DLD: variants seen among roughly 807,000 people sequenced by gnomAD.
DLD encodes dihydrolipoyl dehydrogenase, mitochondrial.
A neutral mutation model predicts 62.2 loss-of-function variants in DLD; 36 were observed. That is an observed-to-expected ratio of 0.58 (90% CI 0.44 to 0.76). DLD has a LOEUF of 0.76. Among genes scored for constraint, DLD ranks in the 30% least tolerant of loss-of-function variants. DLD has a pLI of 0.00. For synonymous variants in DLD, 204 were observed against 199.6 expected, an observed-to-expected ratio of 1.02 and a Z score of -0.19; for missense variants, 541 against 608.6, an observed-to-expected ratio of 0.89 and a Z score of 1.17.
In DLD at chr7:107,916,813, G is replaced by T; in HGVS notation, c.895G>T (p.Gly299Cys). 1 of 1,613,054 alleles carries T rather than the reference G, an allele frequency of 6.2e-7. No homozygotes were observed. Among genetic ancestry groups the T allele is most frequent in the Non-Finnish European group, 8.5e-7 (1 of 1,179,858 alleles). The change falls in exon 10 of 14, where the codon GGT becomes TGT. Residue 299 changes from glycine to cysteine, a missense_variant. Gly to Cys is a radical substitution (Grantham distance 159). Coordinates refer to ENST00000205402, the MANE Select transcript of DLD (RefSeq NM_000108.5). ...IDVSIEAASG[G>C]KAEVITCDVL... ...ATCTAGTATTGAAGCTGCTTCTGGT[G>T]GTAAAGCTGAAGTTATCACTTGTGA... is the stretch of plus-strand genomic sequence containing the variant.
Position 107,915,697 on chromosome 7 carries a change from G to C in DLD, c.875+1G>C. On this transcript the variant is annotated splice_donor_variant, in intron 9 of 13. Coordinates refer to ENST00000205402, the MANE Select transcript of DLD (RefSeq NM_000108.5). LOFTEE classifies it high-confidence loss of function. ...AGTCAGATGGAAAAATTGATGTTTC[G>C]TAAGTATACATCATTTGTTTTTGAT... 2 of 1,611,874 alleles carry C rather than the reference G, an allele frequency of 1.2e-6. No homozygotes were observed. The highest frequency in any genetic ancestry group is 1.3e-5 in the African/African-American group (1 of 74,966).
chr7:107,903,003 A>G (rs895740678), intron 4 of DLD, among the ~76,000 whole-genome samples: 1 of 152,188 alleles, frequency 6.6e-6, no homozygotes, highest in Non-Finnish European at 1.5e-5. Flanking sequence ...ATGGCATACA[A>G]AGTGGTGTTA....
chr7:107,897,069 AG>A (rs1209003366), intron 2 of DLD, among the ~76,000 whole-genome samples: 1 of 152,132 alleles, frequency 6.6e-6, no homozygotes, highest in Non-Finnish European at 1.5e-5. Flanking sequence ...TCCTGACCTC[AG>A]GGGATCCACC....
At chr7:107,893,403 A>G in intron 2 of DLD, 125 bp downstream of exon 2, 1 of 750,274 alleles carries the variant, frequency 1.3e-6, no homozygotes, top group Non-Finnish European at 2.1e-6. Flanking sequence ...TTGTTCATGT[A>G]TTTATTCGTT....
At chr7:107,893,397 T>G (rs2031639966) in intron 2 of DLD, 119 bp downstream of exon 2, 1 of 775,312 alleles carries the variant, frequency 1.3e-6, no homozygotes, top group Non-Finnish European at 2.0e-6. Flanking sequence ...GTTCATTTGT[T>G]CATGTATTTA....
At chr7:107,892,842 C>G (rs2116160546) in intron 1 of DLD, among the ~76,000 whole-genome samples, 1 of 152,286 alleles carries the variant, frequency 6.6e-6, no homozygotes, top group African/African-American at 2.4e-5. Flanking sequence ...GCCACCACGG[C>G]CGGCTCAGAG....
At chr7:107,900,081 A>G (rs1477884113) in intron 2 of DLD, among the ~76,000 whole-genome samples, 1 of 152,056 alleles carries the variant, frequency 6.6e-6, no homozygotes, top group East Asian at 1.9e-4. Flanking sequence ...AATTGAAGCA[A>G]TTTTTCATGT....
chr7:107,919,153 A>G (rs2032347387), intron 13 of DLD, 41 bp from the exon 14 acceptor site: 2 of 1,612,020 alleles, frequency 1.2e-6, no homozygotes, highest in Non-Finnish European at 1.7e-6. Flanking sequence ...CTTCTGACCC[A>G]CAAATATTTG....
At chr7:107,912,081 G>C (rs1045522355) in intron 8 of DLD, among the ~76,000 whole-genome samples, 4 of 151,640 alleles carry the variant, frequency 2.6e-5, no homozygotes, top group African/African-American at 4.8e-5. Flanking sequence ...TAGAACATGC[G>C]ATATTTGTCT....
At position 107,915,567 on chromosome 7, in the gene DLD, G is replaced by A. The variant is rs1210325437; in HGVS notation, c.746G>A (p.Gly249Asp). Residue 249 changes from glycine (G) to aspartate (D), a missense_variant, in exon 9 of 14, where the codon GGT becomes GAT. By Grantham distance (94) the Gly-to-Asp change is moderately conservative. Transcript: ENST00000205402. The stretch of plus-strand genomic sequence containing the variant: ...GCAGTTGAATTTTTAGGTCATGTAG[G>A]TGGAGTTGGAATTGATATGGAGATA... ...VTAVEFLGHV[G>D]GVGIDMEISK... 1.2e-6 allele frequency: 2 copies of A among 1,613,860 alleles called. No homozygotes were observed. Among genetic ancestry groups the A allele is most frequent in the Admixed American group, 1.7e-5 (1 of 59,998 alleles).
At chr7:107,915,325 A>G (rs2116262611) in intron 8 of DLD, among the ~76,000 whole-genome samples, 181 bp from the exon 9 acceptor site, 1 of 152,362 alleles carries the variant, frequency 6.6e-6, no homozygotes, top group South Asian at 2.1e-4. Context: ...TTGAATGAGT[A>G]AGTTAATAAA....
At chr7:107,899,788 T>C (rs1418784380) in intron 2 of DLD, among the ~76,000 whole-genome samples, 1 of 151,990 alleles carries the variant, frequency 6.6e-6, no homozygotes, top group Non-Finnish European at 1.5e-5. Context: ...GCAATGTGGA[T>C]GGGTTGTTTT....
chr7:107,891,901 C>G (rs1018576796), intron 1 of DLD, among the ~76,000 whole-genome samples: 39 of 152,332 alleles, frequency 2.6e-4, no homozygotes, highest in African/African-American at 8.7e-4. Context: ...CCTTTTTAAT[C>G]TGCTTACCAG....
chr7:107,920,440 TTC>T lies in DLD; in HGVS notation c.*1183_*1184del, dbSNP rs2032384188. The T allele has an allele frequency of 6.6e-6, 1 of 152,256 alleles. No individual in the cohort carries two copies. Among genetic ancestry groups the T allele is most frequent in the African/African-American group, 2.4e-5 (1 of 41,470 alleles). 9.4% of individuals were successfully genotyped at this position (152,256 alleles called of 1,614,324 possible). A position where few individuals can be genotyped will look rare whatever the true frequency, so the allele number is the denominator to read the frequency against. ...AATGACCCTGGATTCTGTTACATAC[TTC>T]TAAAGAAAATTGATTGTTGTCTTAG... is the stretch of plus-strand genomic sequence containing the variant. On this transcript the variant is annotated 3_prime_UTR_variant, in exon 14 of 14. Transcript: ENST00000205402.
intron 2 of DLD, among the ~76,000 whole-genome samples, chr7:107,896,586 T>G (rs931447733): frequency 2.0e-5 from 3 of 152,208 alleles, no homozygotes; most frequent in Admixed American, 2.0e-4. Flanking sequence ...AGAGTATTGA[T>G]TTCAGAGGCT....
At chr7:107,901,349 T>C (rs534387383) in intron 2 of DLD, among the ~76,000 whole-genome samples, 1 of 152,186 alleles carries the variant, frequency 6.6e-6, no homozygotes, top group Non-Finnish European at 1.5e-5. Flanking sequence ...TGCTGAGATA[T>C]GAAGCCCAGA....
chr7:107,894,940 G>A (rs1427896992), intron 2 of DLD, among the ~76,000 whole-genome samples: 4 of 152,194 alleles, frequency 2.6e-5, no homozygotes, highest in African/African-American at 9.6e-5. Context: ...GACTGTGTGT[G>A]ACTGTTTTGT....
rs2032348186 is a variant in DLD at position 107,919,185 on chromosome 7, C to T, written c.1465-9C>T. 6.2e-7 allele frequency: 1 copy of T among 1,613,260 alleles called. No homozygotes were observed. The highest frequency in any genetic ancestry group is 8.5e-7 in the Non-Finnish European group (1 of 1,179,390). On this transcript the variant is annotated splice_polypyrimidine_tract_variant and intron_variant, in intron 13 of 13. Coordinates refer to ENST00000205402, the MANE Select transcript of DLD (RefSeq NM_000108.5). ...TTTGGATTTTAATTTTAAATTTCTT[C>T]CCTTGCAGACCTTATCAGAAGCTTT...
chr7:107,905,276 T>A, intron 6 of DLD, 85 bp from the exon 7 acceptor site: 1 of 1,383,856 alleles, frequency 7.2e-7, no homozygotes, highest in South Asian at 1.2e-5. Flanking sequence ...TTAGATAAAT[T>A]ATTTACAGAG....
Sources: allele counts gnomAD v4.1 joint callset (sites outside exome capture counted in the v4.1 genomes callset), GRCh38; gene constraint gnomAD v4.1.1; transcripts MANE v1.5; gene names NCBI Gene and HGNC (gene_info 2026-07-23, HGNC 2026-07-21).